Variants in FGF7 observed in about 807,000 individuals in gnomAD.
FGF7 encodes fibroblast growth factor 7.
In FGF7, 6 loss-of-function variants were observed where a neutral mutation model predicts 20.5. That is an observed-to-expected ratio of 0.29 (90% CI 0.16 to 0.58). FGF7 has a LOEUF of 0.58. FGF7 is among the 20% of genes least tolerant of loss of function. The pLI is 0.90. For synonymous variants in FGF7, 64 were observed against 74.7 expected, an observed-to-expected ratio of 0.86 and a Z score of 0.74; for missense variants, 144 against 228.8, an observed-to-expected ratio of 0.63 and a Z score of 2.39.
chr15:49,443,918 T>A (rs151013799), intron 2 of FGF7, among the ~76,000 whole-genome samples: 3 of 134,694 alleles, frequency 2.2e-5, no homozygotes, highest in African/African-American at 7.8e-5. Context: ...TTTTTTTCCC[T>A]GAGAGTCAGT....
chr15:49,444,605 T>C (rs2052004687), intron 2 of FGF7, among the ~76,000 whole-genome samples: 1 of 151,698 alleles, frequency 6.6e-6, no homozygotes, highest in Non-Finnish European at 1.5e-5. Context: ...TAACTTGGTA[T>C]CTAATGAAGC....
chr15:49,432,323 T>C (rs1179622718), intron 2 of FGF7, among the ~76,000 whole-genome samples: 1 of 151,680 alleles, frequency 6.6e-6, no homozygotes, highest in Non-Finnish European at 1.5e-5. Flanking sequence ...TAAGGCTGTT[T>C]CCTGTAGCAC....
In FGF7 at chr15:49,424,217, G is replaced by C. The variant is rs549773456; in HGVS notation, c.-81G>C. 29 of 1,255,026 alleles carry C rather than the reference G, an allele frequency of 2.3e-5. No individual in the cohort carries two copies. The highest frequency in any genetic ancestry group is 3.2e-5 in the Non-Finnish European group (28 of 880,088). 77.7% of individuals were successfully genotyped at this position (1,255,026 alleles called of 1,614,324 possible). Reference sequence around the variant, plus strand: ...AATCTACAATTCACAGATAGGAAGAGGTCAATGACCTAGGAGTAACAATCA... The same window carrying C: ...AATCTACAATTCACAGATAGGAAGACGTCAATGACCTAGGAGTAACAATCA... On this transcript the variant is annotated 5_prime_UTR_variant, in exon 2 of 4. Transcript: ENST00000267843.
intron 2 of FGF7, among the ~76,000 whole-genome samples, chr15:49,426,005 A>C (rs1278963513): frequency 6.6e-6 from 1 of 151,512 alleles, no homozygotes; most frequent in Non-Finnish European, 1.5e-5. Flanking sequence ...GGATAATATC[A>C]TGGATATAAT....
intron 2 of FGF7, among the ~76,000 whole-genome samples, chr15:49,429,830 A>T (rs986629745): frequency 2.0e-5 from 3 of 151,886 alleles, no homozygotes; most frequent in Admixed American, 2.0e-4. Flanking sequence ...TTACTGGGGA[A>T]TTAAGTCAGA....
intron 2 of FGF7, among the ~76,000 whole-genome samples, chr15:49,451,574 A>AT (rs2052746054): frequency 6.6e-6 from 1 of 152,094 alleles, no homozygotes; most frequent in South Asian, 2.1e-4. Context: ...TCTTCTTAGA[A>AT]TTCCTCTTCA....
intron 2 of FGF7, among the ~76,000 whole-genome samples, chr15:49,470,693 A>C (rs1056342376): frequency 3.9e-5 from 6 of 152,222 alleles, no homozygotes; most frequent in Non-Finnish European, 5.9e-5. Context: ...GGAATGTGTA[A>C]ATGTGATAGA....
chr15:49,434,393 G>A (rs1215531733), intron 2 of FGF7: 1 of 151,336 alleles, frequency 6.6e-6, no homozygotes, highest in African/African-American at 2.4e-5. Flanking sequence ...ATTAACAGTT[G>A]GGAGTCAAGG....
chr15:49,462,508 A>C (rs2053893621), intron 2 of FGF7, among the ~76,000 whole-genome samples: 1 of 152,186 alleles, frequency 6.6e-6, no homozygotes, highest in South Asian at 2.1e-4. Flanking sequence ...ATAATTTGTT[A>C]AAAAGTCTCT....
At chr15:49,464,911 C>T (rs12595692) in intron 2 of FGF7, among the ~76,000 whole-genome samples, 38,642 of 151,916 alleles carry the variant, frequency 0.25, 5,768 homozygotes, top group Non-Finnish European at 0.35. Flanking sequence ...ACATGACATA[C>T]CTAAAAAACA....
In FGF7 at chr15:49,424,124, GTGT is replaced by G. The variant is rs1258255616; in HGVS notation, c.-169_-167del. 3.7e-6 allele frequency: 2 copies of G among 539,836 alleles called. No homozygotes were observed. The highest frequency in any genetic ancestry group is 6.5e-6 in the Non-Finnish European group (2 of 306,438). 33.4% of individuals were successfully genotyped at this position (539,836 alleles called of 1,614,324 possible). On this transcript the variant is annotated 5_prime_UTR_variant, in exon 2 of 4. Coordinates refer to ENST00000267843, the MANE Select transcript of FGF7 (RefSeq NM_002009.4). ...ACAGAGTTATTTAAGGAGGAATCCT[GTGT>G]TGTTATCAGGAACTAAAAGGATAAG...
chr15:49,480,157 T>C (rs1339148566), intron 2 of FGF7, among the ~76,000 whole-genome samples: 3 of 152,208 alleles, frequency 2.0e-5, no homozygotes, highest in Non-Finnish European at 2.9e-5. Context: ...TTCCCAGTGT[T>C]AATGGTATTT....
chr15:49,441,670 T>C (rs376029994), intron 2 of FGF7, among the ~76,000 whole-genome samples: 1 of 151,858 alleles, frequency 6.6e-6, no homozygotes, highest in East Asian at 2.0e-4. Flanking sequence ...ATTTCATATG[T>C]TCAGCCTCTC....
At chr15:49,429,999 G>A (rs1044090503) in intron 2 of FGF7, among the ~76,000 whole-genome samples, 22 of 151,922 alleles carry the variant, frequency 1.4e-4, no homozygotes, top group African/African-American at 2.2e-4. Context: ...AGACCCTGTA[G>A]AGGGATTCAA....
At chr15:49,427,487 T>G (rs1006288377) in intron 2 of FGF7, among the ~76,000 whole-genome samples, 1 of 152,062 alleles carries the variant, frequency 6.6e-6, no homozygotes, top group Non-Finnish European at 1.5e-5. Context: ...CAGGTTGTCA[T>G]GTCAATCACC....
intron 2 of FGF7, among the ~76,000 whole-genome samples, chr15:49,480,858 G>A (rs2152011539): frequency 6.6e-6 from 1 of 152,286 alleles, no homozygotes; most frequent in Non-Finnish European, 1.5e-5. Context: ...TTTTGGGAGA[G>A]GGGCAATATG....
At chr15:49,451,841 G>GA (rs960782285) in intron 2 of FGF7, among the ~76,000 whole-genome samples, 36 of 152,086 alleles carry the variant, frequency 2.4e-4, no homozygotes, top group African/African-American at 8.0e-4. Flanking sequence ...TACCTAGGAG[G>GA]AAAAAACTAA....
rs548570707 is a variant in FGF7 at position 49,484,639 on chromosome 15, C to G, written c.*135C>G. ...GCTGGAAAACTACTGAAAAACTGAT[C>G]AAGCTGGACTTGTGCATTTATGTTT... is the stretch of plus-strand genomic sequence containing the variant. On this transcript the variant is annotated 3_prime_UTR_variant, in exon 4 of 4. Transcript: ENST00000267843. The G allele has an allele frequency of 1.9e-6, 1 of 516,194 alleles. No homozygotes were observed. The highest frequency in any genetic ancestry group is 3.3e-5 in the East Asian group (1 of 30,280). 32.0% of individuals were successfully genotyped at this position (516,194 alleles called of 1,614,324 possible).
intron 2 of FGF7, among the ~76,000 whole-genome samples, chr15:49,471,484 A>AAATAATAATAATAAT (rs201297260): frequency 5.1e-5 from 7 of 137,860 alleles, no homozygotes; most frequent in Admixed American, 1.5e-4. Flanking sequence ...CTCTATCTCA[A>AAATAATAATAATAAT]AATAATAATA....
Sources: allele counts gnomAD v4.1 joint callset (sites outside exome capture counted in the v4.1 genomes callset), GRCh38; gene constraint gnomAD v4.1.1; transcripts MANE v1.5; gene names NCBI Gene and HGNC (gene_info 2026-07-23, HGNC 2026-07-21).